SGCG: variants seen among roughly 807,000 people sequenced by gnomAD.
SGCG encodes sarcoglycan gamma, also known as gamma-sarcoglycan.
SGCG carries 26 observed loss-of-function variants against 29.3 expected under a neutral mutation model. The observed-to-expected ratio is 0.89, with a 90% CI of 0.65 to 1.23. The LOEUF is 1.23. SGCG is among the 50% of genes most tolerant of loss of function. SGCG has a pLI of 0.00. For missense variants in SGCG, 353 were observed against 356.0 expected (o/e 0.99, Z 0.07); for synonymous variants, 145 against 129.7 (o/e 1.12, Z -0.80).
chr13:23,255,825 C>G (rs1005646349), intron 4 of SGCG, among the ~76,000 whole-genome samples: 13 of 152,110 alleles, frequency 8.5e-5, no homozygotes, highest in African/African-American at 3.1e-4. Context: ...TGTGAACTTG[C>G]TTCCAAGAAA....
At chr13:23,202,074 G>A (rs2137498637) in intron 1 of SGCG, among the ~76,000 whole-genome samples, 1 of 152,328 alleles carries the variant, frequency 6.6e-6, no homozygotes, top group East Asian at 1.9e-4. Context: ...GTCCTGGGGT[G>A]AGAATTAGCC....
At chr13:23,176,874 A>G (rs1395636977), upstream of SGCG, among the ~76,000 whole-genome samples, 2 of 152,138 alleles carry the variant, frequency 1.3e-5, no homozygotes, top group African/African-American at 2.4e-5. Context: ...TACTGGGTAT[A>G]TATCCAAAGG....
chr13:23,166,804 A>C, the SGCG span, among the ~76,000 whole-genome samples: 2 of 152,206 alleles, frequency 1.3e-5, no homozygotes, highest in African/African-American at 4.8e-5. Context: ...GTAGGTGTAT[A>C]TATTTATGAG....
Position 23,324,926 on chromosome 13 carries a change from A to C in SGCG, c.*385A>C, listed in dbSNP as rs920554812. On this transcript the variant is annotated 3_prime_UTR_variant, in exon 8 of 8. Coordinates refer to ENST00000218867, the MANE Select transcript of SGCG (RefSeq NM_000231.3). The stretch of plus-strand genomic sequence containing the variant: ...GGATATCTAATGCCCTGTTGAGAGT[A>C]GCCTTGCTCAGTACTAAAATGCCCC... 2 of 334,366 alleles carry C rather than the reference A, an allele frequency of 6.0e-6. No homozygotes were observed. Among genetic ancestry groups the C allele is most frequent in the African/African-American group, 4.3e-5 (2 of 46,638 alleles). The allele number at this position is 334,366 out of a possible 1,614,324, so 20.7% of individuals were successfully genotyped here. A position where few individuals can be genotyped will look rare whatever the true frequency, so the allele number is the denominator to read the frequency against.
chr13:23,189,333 C>T lies in SGCG; in HGVS notation c.-1+8258C>T, dbSNP rs147326632. Reference sequence around the variant, plus strand: ...CTGGGACTATAGGTGCATGCCACCACGCCTGGCTATTTTTTGTATTTTTAG... The same window carrying T: ...CTGGGACTATAGGTGCATGCCACCATGCCTGGCTATTTTTTGTATTTTTAG... On this transcript the variant is annotated intron_variant, in intron 1 of 7. Coordinates refer to ENST00000218867, the MANE Select transcript of SGCG (RefSeq NM_000231.3). Among the ~76,000 whole-genome samples, 31 of 152,238 alleles carry T rather than the reference C, an allele frequency of 2.0e-4. No individual in the cohort carries two copies. In the East Asian group the frequency reaches 4.8e-3, roughly 24 times the overall value.
chr13:23,304,997 TCACA>T (rs5802228), intron 6 of SGCG, among the ~76,000 whole-genome samples: 15 of 151,700 alleles, frequency 9.9e-5, no homozygotes, highest in African/African-American at 2.7e-4. Context: ...GTGCACGTGC[TCACA>T]CACACACACA....
At chr13:23,270,333 A>G (rs1003327613) in intron 4 of SGCG, among the ~76,000 whole-genome samples, 1 of 152,214 alleles carries the variant, frequency 6.6e-6, no homozygotes, top group Admixed American at 6.5e-5. Context: ...ATTTTCTGAC[A>G]GCCTCAGACA....
chr13:23,204,599 TCTTTCTTTTCTTTCTTTTCTTTCTTTC>T (rs1382861901), intron 2 of SGCG, among the ~76,000 whole-genome samples: 3 of 131,746 alleles, frequency 2.3e-5, no homozygotes, highest in Non-Finnish European at 5.2e-5. Flanking sequence ...TTCTTTCTTT[TCTTTCTTTTCTTTCTTTTCTTTCTTTC>T]CTTTCTTTCC....
intron 4 of SGCG, among the ~76,000 whole-genome samples, chr13:23,274,395 C>CTTTTTTTTTTTTTTT (rs869153381): frequency 7.0e-5 from 6 of 85,252 alleles, no homozygotes; most frequent in Admixed American, 3.2e-4. Flanking sequence ...CTTTCTTTCT[C>CTTTTTTTTTTTTTTT]TTTTTTTTTT....
intron 2 of SGCG, among the ~76,000 whole-genome samples, chr13:23,216,718 T>G (rs1013617651): frequency 6.6e-6 from 1 of 152,174 alleles, no homozygotes; most frequent in Non-Finnish European, 1.5e-5. Context: ...TTTCTTTGTA[T>G]GTAAAATGTC....
chr13:23,181,606 G>T (rs1239835603), intron 1 of SGCG, among the ~76,000 whole-genome samples: 1 of 152,138 alleles, frequency 6.6e-6, no homozygotes, highest in Non-Finnish European at 1.5e-5. Flanking sequence ...ACTATTTTTG[G>T]AGTGAAAAGG....
chr13:23,263,453 C>A (rs1880522952), intron 4 of SGCG, among the ~76,000 whole-genome samples: 2 of 151,886 alleles, frequency 1.3e-5, no homozygotes, highest in South Asian at 2.1e-4. Context: ...CTGAACAGAC[C>A]AATAACAAGC....
the SGCG span, among the ~76,000 whole-genome samples, chr13:23,173,792 A>G: frequency 1.3e-5 from 2 of 152,218 alleles, no homozygotes; most frequent in African/African-American, 4.8e-5. Flanking sequence ...CATCAGATAT[A>G]TAAAATGTCA....
chr13:23,245,032 T>C (rs1348021039), intron 3 of SGCG: 1 of 152,222 alleles, frequency 6.6e-6, no homozygotes, highest in East Asian at 1.9e-4. Flanking sequence ...GAGTACTTTG[T>C]GGCCTGCACA....
chr13:23,289,657 T>G (rs1887754), intron 5 of SGCG, among the ~76,000 whole-genome samples: 97,163 of 151,958 alleles, frequency 0.64, 32,698 homozygotes, highest in Middle Eastern at 0.84. Context: ...TGTGATAAGT[T>G]CTCTATTTGT....
the SGCG span, among the ~76,000 whole-genome samples, chr13:23,168,909 A>G: frequency 6.6e-6 from 1 of 152,084 alleles, no homozygotes; most frequent in Non-Finnish European, 1.5e-5. Context: ...ATTCAGTAAT[A>G]TGGTTTAATT....
chr13:23,185,492 C>T lies in SGCG; in HGVS notation c.-1+4417C>T, dbSNP rs111495936. 2.1e-3 allele frequency among the ~76,000 whole-genome samples: 321 copies of T among 152,302 alleles called. 3 individuals are homozygous for T. The highest frequency in any genetic ancestry group is 3.7e-3 in the Non-Finnish European group (253 of 68,036). On this transcript the variant is annotated intron_variant, in intron 1 of 7. Transcript: ENST00000218867. ...GGCGTGAGCCACTGCATCCGGTCCCCGATCACTTTTAAATTCCAATTTTTC... is the reference window on the plus strand; with the variant it reads ...GGCGTGAGCCACTGCATCCGGTCCCTGATCACTTTTAAATTCCAATTTTTC...
intron 4 of SGCG, among the ~76,000 whole-genome samples, chr13:23,257,741 A>G (rs771654276): frequency 6.6e-6 from 1 of 152,260 alleles, no homozygotes; most frequent in South Asian, 2.1e-4. Flanking sequence ...TAAGGAAGAG[A>G]TCCAGTTTCA....
intron 5 of SGCG, among the ~76,000 whole-genome samples, chr13:23,289,854 C>G (rs559812825): frequency 6.6e-6 from 1 of 152,246 alleles, no homozygotes; most frequent in South Asian, 2.1e-4. Context: ...ACAGGGTACT[C>G]CTTGATTCAT....
Sources: allele counts gnomAD v4.1 joint callset (sites outside exome capture counted in the v4.1 genomes callset), GRCh38; gene constraint gnomAD v4.1.1; transcripts MANE v1.5; gene names NCBI Gene and HGNC (gene_info 2026-07-23, HGNC 2026-07-21).